Variants in MIS18A observed in about 807,000 individuals in gnomAD.
MIS18A encodes the protein MIS18 kinetochore protein A, also known as protein Mis18-alpha.
Under a neutral mutation model 25.0 loss-of-function variants are expected in MIS18A, and 14 were observed. The observed-to-expected ratio is 0.56, with a 90% CI of 0.37 to 0.88. MIS18A has a LOEUF of 0.88. Ranked by LOEUF, MIS18A falls within the 40% of genes least tolerant of loss-of-function variation. The probability of loss-of-function intolerance (pLI) is 0.00; values close to 1 mark genes in which losing one functional copy is unlikely to be tolerated. For missense variants in MIS18A, 292 were observed against 290.8 expected, an observed-to-expected ratio of 1.00 and a Z score of -0.03; for synonymous variants, 134 against 118.6, an observed-to-expected ratio of 1.13 and a Z score of -0.84.
At position 32,269,084 on chromosome 21, in the gene MIS18A, G is replaced by A. The variant is rs1438081578; in HGVS notation, c.655C>T (p.Leu219=). ...GACAATTTGGATTCGGCCTCCCACA[G>A]CTTCATTTGTAATGCTTTCAAGACA... ...EDVLKALQMK[L]WEAESKLSFA... is the part of the protein sequence containing the mutation. The change falls in exon 5 of 5, where the codon CTG becomes TTG. Residue 219 remains leucine (L), a synonymous_variant. Transcript: ENST00000290130. The A allele has an allele frequency of 1.2e-6, 2 of 1,605,858 alleles. No individual in the cohort carries two copies. The highest frequency in any genetic ancestry group is 1.7e-6 in the Non-Finnish European group (2 of 1,175,092).
At chr21:32,237,475 G>A in the MIS18A span, among the ~76,000 whole-genome samples, 1 of 152,268 alleles carries the variant, frequency 6.6e-6, no homozygotes. Context: ...GCCTTTCACT[G>A]AACACTTACA....
the MIS18A span, chr21:32,260,892 C>A: frequency 0.41 from 61,631 of 151,992 alleles, 14,549 homozygotes; most frequent in African/African-American, 0.66. Context: ...TATGCTTGTA[C>A]TCCCAGCTAC....
At chr21:32,214,009 G>C in the MIS18A span, among the ~76,000 whole-genome samples, 17 of 152,150 alleles carry the variant, frequency 1.1e-4, no homozygotes, top group African/African-American at 4.1e-4. Context: ...GGGGGTATGG[G>C]AGGAAACACT....
Position 32,278,856 on chromosome 21 carries a change from G to A in MIS18A, c.159C>T (p.Ser53=), listed in dbSNP as rs377669491. ...QLLQKWASMW[S]SMSEDASVAD... ...CCACCGACGCGTCTTCGCTCATGGA[G>A]CTCCACATGCTCGCCCACTTCTGCA... is the stretch of plus-strand genomic sequence containing the variant. Residue 53 remains serine (S), a synonymous_variant, in exon 1 of 5, where the codon AGC becomes AGT. Transcript: ENST00000290130. 9 of 1,612,142 alleles carry A rather than the reference G, an allele frequency of 5.6e-6. No individual in the cohort carries two copies. The highest frequency in any genetic ancestry group is 5.9e-6 in the Non-Finnish European group (7 of 1,179,572).
the MIS18A span, among the ~76,000 whole-genome samples, chr21:32,190,918 T>G: frequency 6.6e-6 from 1 of 152,140 alleles, no homozygotes; most frequent in African/African-American, 2.4e-5. Flanking sequence ...CAAAATGGAG[T>G]CAGCTGTGTC....
At chr21:32,272,213 C>T (rs953786944) in intron 2 of MIS18A, among the ~76,000 whole-genome samples, 1 of 152,156 alleles carries the variant, frequency 6.6e-6, no homozygotes, top group Admixed American at 6.6e-5. Context: ...AGGAATAATC[C>T]GATTGTTAAG....
At chr21:32,208,525 C>A in the MIS18A span, among the ~76,000 whole-genome samples, 1 of 152,224 alleles carries the variant, frequency 6.6e-6, no homozygotes, top group African/African-American at 2.4e-5. Context: ...CAGATGCCAA[C>A]ACCATGCTTC....
the MIS18A span, among the ~76,000 whole-genome samples, chr21:32,249,423 A>G: frequency 3.2e-4 from 48 of 152,290 alleles, no homozygotes; most frequent in Non-Finnish European, 6.3e-4. Context: ...ACTCATCCAC[A>G]CTGTTTGTGT....
chr21:32,244,838 C>G, the MIS18A span, among the ~76,000 whole-genome samples: 1 of 152,096 alleles, frequency 6.6e-6, no homozygotes, highest in Non-Finnish European at 1.5e-5. Flanking sequence ...TAGAAGATAT[C>G]AAAATATGGT....
the MIS18A span, among the ~76,000 whole-genome samples, chr21:32,175,113 G>A: frequency 6.6e-6 from 1 of 152,156 alleles, no homozygotes; most frequent in Non-Finnish European, 1.5e-5. Flanking sequence ...TTGCTCCCAG[G>A]CTACTAACCT....
At chr21:32,172,618 C>T in the MIS18A span, among the ~76,000 whole-genome samples, 1 of 147,588 alleles carries the variant, frequency 6.8e-6, no homozygotes, top group Non-Finnish European at 1.5e-5. Context: ...CAGAGACTAA[C>T]AAGATGATCC....
At chr21:32,235,423 C>A in the MIS18A span, among the ~76,000 whole-genome samples, 1 of 152,166 alleles carries the variant, frequency 6.6e-6, no homozygotes, top group Non-Finnish European at 1.5e-5. Flanking sequence ...TATCTGGTTG[C>A]CCTCACTCCC....
chr21:32,168,596 G>A, the MIS18A span, among the ~76,000 whole-genome samples: 1 of 152,120 alleles, frequency 6.6e-6, no homozygotes, highest in African/African-American at 2.4e-5. Flanking sequence ...GCATTGTAAA[G>A]GGTAGAAAAG....
At chr21:32,261,281 G>GT in the MIS18A span, 1 of 152,236 alleles carries the variant, frequency 6.6e-6, no homozygotes, top group African/African-American at 2.4e-5. Context: ...CAGACAGACA[G>GT]TAACACTTTG....
intron 1 of MIS18A, chr21:32,278,311 G>T: frequency 4.5e-6 from 1 of 223,228 alleles, no homozygotes; most frequent in Non-Finnish European, 8.7e-6. Flanking sequence ...TAATTTCTAT[G>T]GGGAGTAATA....
the MIS18A span, among the ~76,000 whole-genome samples, chr21:32,228,076 C>T: frequency 2.6e-5 from 4 of 152,040 alleles, no homozygotes; most frequent in Non-Finnish European, 5.9e-5. Flanking sequence ...AAGTTAACAT[C>T]GTCTTTTTTT....
At chr21:32,234,597 C>G in the MIS18A span, among the ~76,000 whole-genome samples, 1 of 152,148 alleles carries the variant, frequency 6.6e-6, no homozygotes, top group African/African-American at 2.4e-5. Flanking sequence ...AAGGTGGGAC[C>G]CCCTCATGAC....
chr21:32,261,047 A>AC, the MIS18A span: 1 of 151,744 alleles, frequency 6.6e-6, no homozygotes, highest in African/African-American at 2.4e-5. Context: ...GATATAATGA[A>AC]CCCCCACCCG....
chr21:32,205,967 T>G, the MIS18A span, among the ~76,000 whole-genome samples: 1 of 152,166 alleles, frequency 6.6e-6, no homozygotes, highest in Non-Finnish European at 1.5e-5. Flanking sequence ...TTTTCTCACC[T>G]GCAATTCTCT....
Sources: allele counts gnomAD v4.1 joint callset (sites outside exome capture counted in the v4.1 genomes callset), GRCh38; gene constraint gnomAD v4.1.1; transcripts MANE v1.5; gene names NCBI Gene and HGNC (gene_info 2026-07-23, HGNC 2026-07-21).